The following SPSB3 variants were observed in gnomAD, a reference collection of about 807,000 sequenced individuals.
The protein encoded by SPSB3 is splA/ryanodine receptor domain and SOCS box containing 3, also known as SPRY domain-containing SOCS box protein 3.
A neutral mutation model predicts 29.5 loss-of-function variants in SPSB3; 18 were observed. The ratio of observed to expected loss-of-function variants is 0.61; its 90% CI spans 0.42 to 0.91. SPSB3 has a LOEUF of 0.91. SPSB3 is among the 40% of genes least tolerant of loss of function. The probability of loss-of-function intolerance (pLI) is 0.00; values close to 1 mark genes in which losing one functional copy is unlikely to be tolerated. For synonymous variants in SPSB3, 299 were observed against 214.1 expected (o/e 1.40, Z -3.46); for missense variants, 540 against 507.5 (o/e 1.06, Z -0.61).
At position 1,778,244 on chromosome 16, in the gene SPSB3, G is replaced by A; in HGVS notation, c.382C>T (p.His128Tyr). Residue 128 changes from histidine to tyrosine, a missense_variant, in exon 4 of 7, where the codon CAC (histidine) becomes TAC (tyrosine). Coordinates refer to ENST00000566339, the MANE Select transcript of SPSB3 (RefSeq NM_080861.4). ...LSCDNRKVSF[H>Y]MEYSCGTAAI... ...GCTGTGCCGCAGCTGTACTCCATGT[G>A]GAAGCTGACCTTACGGTTGTCACAG... 1 of 1,612,964 alleles carries A rather than the reference G, an allele frequency of 6.2e-7. No individual in the cohort carries two copies. Among genetic ancestry groups the A allele is most frequent in the Non-Finnish European group, 8.5e-7 (1 of 1,180,002 alleles).
At position 1,778,258 on chromosome 16, in the gene SPSB3, C is replaced by T; in HGVS notation, c.368G>A (p.Arg123His). Residue 123 changes from arginine to histidine, a missense_variant, in exon 4 of 7, where the codon CGT (arginine) becomes CAT (histidine). Physicochemically the swap from Arg to His is conservative, Grantham distance 29. Coordinates refer to ENST00000566339, the MANE Select transcript of SPSB3 (RefSeq NM_080861.4). ...SSATLLSCDNRKVSFHMEYSC... is the reference protein window; with the variant it reads ...SSATLLSCDNHKVSFHMEYSC... Reference sequence around the variant, plus strand: ...GTACTCCATGTGGAAGCTGACCTTACGGTTGTCACAGCTCAGCAGGGTGGC... The same window carrying T: ...GTACTCCATGTGGAAGCTGACCTTATGGTTGTCACAGCTCAGCAGGGTGGC... 9 of 1,612,904 alleles carry T rather than the reference C, an allele frequency of 5.6e-6. No homozygotes were observed. Among genetic ancestry groups the T allele is most frequent in the Middle Eastern group, 1.7e-4 (1 of 6,060 alleles).
At chr16:1,778,383 C>A in intron 3 of SPSB3, 52 bp downstream of exon 3, 2 of 1,607,446 alleles carry the variant, frequency 1.2e-6, no homozygotes, top group Non-Finnish European at 1.7e-6. Context: ...CCCTGCCCAC[C>A]CCCAGGCCCG....
intron 6 of SPSB3, 97 bp downstream of exon 6, chr16:1,777,650 C>T (rs1401914513): frequency 1.9e-6 from 3 of 1,551,252 alleles, no homozygotes; most frequent in Non-Finnish European, 2.6e-6. Flanking sequence ...TGGGAGGAAC[C>T]CTTTCAGAAA....
rs756529592 is a variant in SPSB3, at chr16:1,777,917, G to A, written c.595+29C>T. ...CAGTGAGCCCGGGAGCTCCAGGCTC[G>A]GCCCCGCCCCACCCTGGGCCTCACG... On this transcript the variant is annotated intron_variant, in intron 5 of 6. Coordinates refer to ENST00000566339, the MANE Select transcript of SPSB3 (RefSeq NM_080861.4). The A allele has an allele frequency of 7.4e-5, 120 of 1,611,716 alleles. 2 individuals carry two copies. In the South Asian group the frequency reaches 8.8e-4, roughly 12 times the overall value.
rs2042745376 is a variant in SPSB3, at chr16:1,778,337, A to G, written c.305-16T>C. The G allele has an allele frequency of 3.1e-6, 5 of 1,611,670 alleles. No homozygotes were observed. The highest frequency in any genetic ancestry group is 3.4e-6 in the Non-Finnish European group (4 of 1,179,874). ...CAGTCGAAATCTGCAAGAGAGGCCC[A>G]GGCTGGGGCAGCCCTGAGAGCTCCA... On this transcript the variant is annotated splice_polypyrimidine_tract_variant and intron_variant, in intron 3 of 6. Coordinates refer to ENST00000566339, the MANE Select transcript of SPSB3 (RefSeq NM_080861.4).
intron 2 of SPSB3, chr16:1,779,076 G>C (rs1196890201): frequency 6.3e-6 from 1 of 158,640 alleles, no homozygotes; most frequent in Admixed American, 6.4e-5. Context: ...GAGCAGACCT[G>C]GCTCACCACA....
chr16:1,779,140 C>A (rs2042757241), intron 2 of SPSB3: 1 of 153,618 alleles, frequency 6.5e-6, no homozygotes, highest in African/African-American at 2.4e-5. Context: ...GTGCAGGTTT[C>A]AGCTGTCACC....
rs755820733 is a variant in SPSB3, at chr16:1,778,417, G to A, written c.304+18C>T. The A allele has an allele frequency of 1.9e-6, 3 of 1,605,896 alleles. No homozygotes were observed. Among genetic ancestry groups the A allele is most frequent in the Non-Finnish European group, 2.6e-6 (3 of 1,176,264 alleles). ...CGCCCGCAGTGCAGTCCCAGCAGGG[G>A]CTGGGCCCCACGCTCACACTCGTCT... is the stretch of plus-strand genomic sequence containing the variant. On this transcript the variant is annotated intron_variant, in intron 3 of 6. Coordinates refer to ENST00000566339, the MANE Select transcript of SPSB3 (RefSeq NM_080861.4).
chr16:1,781,186 G>A (rs771627103), intron 2 of SPSB3, 172 bp downstream of exon 2: 1 of 1,541,552 alleles, frequency 6.5e-7, no homozygotes, highest in Non-Finnish European at 8.7e-7. Context: ...AAATTAAAGA[G>A]TCTTACTGAA....
In SPSB3 at chr16:1,776,815, T is replaced by C. The variant is rs745351803; in HGVS notation, c.*282A>G. On this transcript the variant is annotated 3_prime_UTR_variant, in exon 7 of 7. Transcript: ENST00000566339. The stretch of plus-strand genomic sequence containing the variant: ...AGCAAGTTAGGAAAAACCGAGGCCC[T>C]GTGGGAACAGCAACGCGGGCTCCAG... 1.7e-4 allele frequency: 89 copies of C among 511,970 alleles called. 1 individual carries two copies. The Middle Eastern group carries it at 2.0e-3, about 12-fold the overall frequency. 31.7% of individuals were successfully genotyped at this position (511,970 alleles called of 1,614,324 possible). A position where few individuals can be genotyped will look rare whatever the true frequency, so the allele number is the denominator to read the frequency against.
intron 2 of SPSB3, 47 bp downstream of exon 2, chr16:1,781,311 C>T: frequency 1.9e-6 from 3 of 1,612,794 alleles, no homozygotes; most frequent in Non-Finnish European, 2.5e-6. Context: ...CCTAGGGCAT[C>T]TCCACACCTT....
At chr16:1,781,217 G>A (rs757402377) in intron 2 of SPSB3, 141 bp downstream of exon 2, 1 of 1,576,290 alleles carries the variant, frequency 6.3e-7, no homozygotes, top group South Asian at 1.1e-5. Context: ...CCAGGAGACA[G>A]GCCCAGGTTT....
intron 2 of SPSB3, chr16:1,778,981 C>T (rs895133756): frequency 4.0e-5 from 8 of 199,454 alleles, no homozygotes; most frequent in Non-Finnish European, 7.1e-5. Context: ...GGCAAGGCCA[C>T]CACCCCCACA....
chr16:1,776,959 G>A lies in SPSB3; in HGVS notation c.*138C>T, dbSNP rs994178021. The A allele has an allele frequency of 8.0e-6, 8 of 996,504 alleles. No individual in the cohort carries two copies. Among genetic ancestry groups the A allele is most frequent in the Non-Finnish European group, 1.2e-5 (8 of 688,496 alleles). The allele number at this position is 996,504 out of a possible 1,614,324, so 61.7% of individuals were successfully genotyped here. A position where few individuals can be genotyped will look rare whatever the true frequency, so the allele number is the denominator to read the frequency against. On this transcript the variant is annotated 3_prime_UTR_variant, in exon 7 of 7. Transcript: ENST00000566339. ...CACAGAAAGGACTGTCCCAGCCTCG[G>A]GAGCAAGAGATGGCTCCCTCCGGAC...
chr16:1,778,747 G>A, intron 2 of SPSB3, 135 bp from the exon 3 acceptor site: 1 of 985,066 alleles, frequency 1.0e-6, no homozygotes, highest in Non-Finnish European at 1.4e-6. Context: ...GGACTTCACA[G>A]TACCCCGAGC....
In SPSB3 at chr16:1,778,577, C is replaced by T. The variant is rs762523870; in HGVS notation, c.162G>A (p.Thr54=). 6.9e-6 allele frequency: 11 copies of T among 1,591,162 alleles called. No homozygotes were observed. The highest frequency in any genetic ancestry group is 2.3e-5 in the East Asian group (1 of 44,376). The change falls in exon 3 of 7, where the codon ACG becomes ACA. Residue 54 remains threonine, a synonymous_variant. Transcript: ENST00000566339. ...CCGCACTGGGGATGGATGGCGGCAG[C>T]GTGGAGTACTCGGGGTCGGAGTCCG... The part of the protein sequence containing the change: ...SDSDSDPEYS[T]LPPSIPSAVP...
At chr16:1,780,550 C>G (rs1178434) in intron 2 of SPSB3, 91,492 of 152,938 alleles carry the variant, frequency 0.6, 27,849 homozygotes, top group Middle Eastern at 0.73. Context: ...TCCTGGCCTC[C>G]CTGAGCAAGT....
At chr16:1,781,017 G>T in intron 2 of SPSB3, 1 of 537,252 alleles carries the variant, frequency 1.9e-6, no homozygotes, top group Non-Finnish European at 3.0e-6. Context: ...ATAGGTGTGA[G>T]CCACAGTGCC....
chr16:1,782,219 G>A (rs1397982536), intron 1 of SPSB3: 1 of 152,062 alleles, frequency 6.6e-6, no homozygotes, highest in African/African-American at 2.4e-5. Context: ...TGGGGTTCCA[G>A]GGAGGCCGGG....
Sources: gnomAD v4.1 joint callset for allele counts on GRCh38, gnomAD v4.1.1 for gene constraint, MANE v1.5 for transcripts, NCBI Gene and HGNC (gene_info 2026-07-23, HGNC 2026-07-21) for gene names.